DLAT: variants seen among roughly 807,000 people sequenced by gnomAD.
The protein encoded by DLAT is dihydrolipoamide S-acetyltransferase, also known as dihydrolipoyllysine-residue acetyltransferase component of pyruvate dehydrogenase complex, mitochondrial.
DLAT carries 43 observed loss-of-function variants against 68.0 expected under a neutral mutation model. That is an observed-to-expected ratio of 0.63 (90% CI 0.50 to 0.81). The LOEUF is 0.81. DLAT is among the 40% of genes least tolerant of loss of function. DLAT has a pLI of 0.00. For synonymous variants in DLAT, 265 were observed against 288.6 expected (o/e 0.92, Z 0.83); for missense variants, 745 against 815.4 (o/e 0.91, Z 1.05).
rs1016650645 is a variant in DLAT, at chr11:112,051,699, C to G, written c.1514+350C>G. ...AAAGTTCTGGGATTTCAGGTGTGAGCCACAGTGTCCAGCCTGCGATATTGC... is the reference window on the plus strand; with the variant it reads ...AAAGTTCTGGGATTTCAGGTGTGAGGCACAGTGTCCAGCCTGCGATATTGC... On this transcript the variant is annotated intron_variant, in intron 11 of 13. Coordinates refer to ENST00000280346, the MANE Select transcript of DLAT (RefSeq NM_001931.5). The surrounding 1 kb of genome is among the most constrained non-coding windows in gnomAD (Gnocchi z 4.3). Among the ~76,000 whole-genome samples the G allele has an allele frequency of 1.3e-4, 19 of 151,990 alleles. No homozygotes were observed. The highest frequency in any genetic ancestry group is 4.6e-4 in the African/African-American group (19 of 41,348).
intron 4 of DLAT, chr11:112,030,056 G>A: frequency 2.1e-6 from 2 of 953,646 alleles, no homozygotes; most frequent in Non-Finnish European, 3.3e-6. Flanking sequence ...CTGGAGCTGA[G>A]TGTCTAAGTT....
chr11:112,051,780 T>A lies in DLAT; in HGVS notation c.1514+431T>A, dbSNP rs1863652668. Among the ~76,000 whole-genome samples the A allele has an allele frequency of 6.6e-6, 1 of 152,166 alleles. No individual in the cohort carries two copies. Among genetic ancestry groups the A allele is most frequent in the Non-Finnish European group, 1.5e-5 (1 of 68,032 alleles). On this transcript the variant is annotated intron_variant, in intron 11 of 13. Transcript: ENST00000280346. This position sits in a 1 kb window ranked among gnomAD's most constrained non-coding sequence, Gnocchi z 4.3. ...TTGTATGAGTTCAGCAAAGGGAGATTAGTGAACAAATATGTGTAATTAAGT... is the reference window on the plus strand; with the variant it reads ...TTGTATGAGTTCAGCAAAGGGAGATAAGTGAACAAATATGTGTAATTAAGT...
At position 112,045,895 on chromosome 11, in the gene DLAT, A is replaced by G; in HGVS notation, c.1323A>G (p.Gln441=). ...VIAQRLMQSK[Q]TIPHYYLSID... is the part of the protein sequence containing the mutation. The stretch of plus-strand genomic sequence containing the variant: ...CACAGCGATTAATGCAATCAAAGCA[A>G]ACCATACCTCATTATTACCTTTCTA... The change falls in exon 10 of 14, where the codon CAA becomes CAG. Residue 441 remains glutamine (Q), a synonymous_variant. Coordinates refer to ENST00000280346, the MANE Select transcript of DLAT (RefSeq NM_001931.5). 1 of 1,612,308 alleles carries G rather than the reference A, an allele frequency of 6.2e-7. No individual in the cohort carries two copies. Among genetic ancestry groups the G allele is most frequent in the Non-Finnish European group, 8.5e-7 (1 of 1,178,462 alleles).
At chr11:112,045,687 C>CA (rs782116849) in intron 9 of DLAT, among the ~76,000 whole-genome samples, 176 bp from the exon 10 acceptor site, 224 of 115,562 alleles carry the variant, frequency 1.9e-3, no homozygotes, top group South Asian at 2.8e-3. Flanking sequence ...GACTCCATCT[C>CA]AAAAAAAAAA....
intron 8 of DLAT, 140 bp from the exon 9 acceptor site, chr11:112,044,998 G>A (rs1863229604): frequency 2.8e-6 from 2 of 722,326 alleles, no homozygotes; most frequent in Non-Finnish European, 5.0e-6. Flanking sequence ...TTGAGCCACT[G>A]CATTCTAGCC....
intron 9 of DLAT, among the ~76,000 whole-genome samples, 184 bp downstream of exon 9, chr11:112,045,414 G>T (rs1030155742): frequency 6.6e-6 from 1 of 152,090 alleles, no homozygotes; most frequent in Admixed American, 6.6e-5. Flanking sequence ...AGGGCCAGGC[G>T]CAGTAGCTCA....
intron 1 of DLAT, among the ~76,000 whole-genome samples, chr11:112,025,968 A>G (rs1861975182): frequency 6.6e-6 from 1 of 152,220 alleles, no homozygotes; most frequent in South Asian, 2.1e-4. Flanking sequence ...TGTATGCAGA[A>G]TATCTGCCGA....
In DLAT at chr11:112,046,431, A is replaced by AT. The variant is rs782723101; in HGVS notation, c.1398+474dup. On this transcript the variant is annotated intron_variant, in intron 10 of 13. Coordinates refer to ENST00000280346, the MANE Select transcript of DLAT (RefSeq NM_001931.5). ...ATATATGTGAGAATTTTATTTCCAGATTTTTTTTTTTTTGTAGATCTTGTT... is the reference window on the plus strand; with the variant it reads ...ATATATGTGAGAATTTTATTTCCAGATTTTTTTTTTTTTTGTAGATCTTGTT... Among the ~76,000 whole-genome samples the AT allele has an allele frequency of 3.6e-3, 510 of 141,684 alleles. 2 individuals carry two copies. Among genetic ancestry groups the AT allele is most frequent in the African/African-American group, 9.4e-3 (366 of 38,888 alleles). The allele number at this position is 141,684 out of a possible 152,430, so 93.0% of individuals were successfully genotyped here. A position where few individuals can be genotyped will look rare whatever the true frequency, so the allele number is the denominator to read the frequency against.
intron 2 of DLAT, among the ~76,000 whole-genome samples, chr11:112,027,661 G>A (rs1297154603): frequency 4.6e-5 from 7 of 152,226 alleles, no homozygotes; most frequent in Non-Finnish European, 1.0e-4. Context: ...ACCTCGGGAG[G>A]CCAAGGCTGG....
intron 2 of DLAT, among the ~76,000 whole-genome samples, chr11:112,027,472 G>C (rs1862121684): frequency 6.6e-6 from 1 of 151,876 alleles, no homozygotes; most frequent in Non-Finnish European, 1.5e-5. Context: ...GCCAGGCAGA[G>C]ACGCTCCTCA....
intron 7 of DLAT, among the ~76,000 whole-genome samples, chr11:112,040,795 G>A (rs372222156): frequency 1.6e-4 from 25 of 152,128 alleles, no homozygotes; most frequent in African/African-American, 6.0e-4. Flanking sequence ...AGAAAGGACT[G>A]GGTTAATAAT....
At chr11:112,045,072 T>A (rs933959761) in intron 8 of DLAT, 66 bp from the exon 9 acceptor site, 6 of 1,258,008 alleles carry the variant, frequency 4.8e-6, no homozygotes, top group Non-Finnish European at 7.0e-6. Context: ...TCACTGGCAG[T>A]CTTTCCCAGG....
At chr11:112,050,501 T>C (rs1182965851) in intron 10 of DLAT, among the ~76,000 whole-genome samples, 2 of 152,170 alleles carry the variant, frequency 1.3e-5, no homozygotes, top group African/African-American at 4.8e-5. Context: ...GCCATTTGGG[T>C]CTAAGCTTTT....
chr11:112,028,047 GT>G (rs1352065058), intron 2 of DLAT, among the ~76,000 whole-genome samples: 7 of 152,208 alleles, frequency 4.6e-5, no homozygotes, highest in African/African-American at 1.7e-4. Flanking sequence ...CTACCCCTTT[GT>G]TTAAGAAACT....
At chr11:112,050,678 C>A (rs1555181888) in intron 10 of DLAT, among the ~76,000 whole-genome samples, 1 of 152,136 alleles carries the variant, frequency 6.6e-6, no homozygotes, top group Admixed American at 6.5e-5. Context: ...GTAATGTCCC[C>A]TATTTCACTC....
Position 112,037,539 on chromosome 11 carries a change from A to G in DLAT, c.975+79A>G, listed in dbSNP as rs587753631. 2.7e-5 allele frequency: 38 copies of G among 1,400,062 alleles called. No individual in the cohort carries two copies. In the South Asian group the frequency reaches 4.2e-4, roughly 15 times the overall value. The allele number at this position is 1,400,062 out of a possible 1,614,324, so 86.7% of individuals were successfully genotyped here. A position where few individuals can be genotyped will look rare whatever the true frequency, so the allele number is the denominator to read the frequency against. Reference sequence around the variant, plus strand: ...AGGAGTTTTGATTAGATGATATCCTAGGTTCCTTCCACCTCCAAGATTCTA... The same window carrying G: ...AGGAGTTTTGATTAGATGATATCCTGGGTTCCTTCCACCTCCAAGATTCTA... On this transcript the variant is annotated intron_variant, in intron 6 of 13. Transcript: ENST00000280346.
At chr11:112,029,845 C>T (rs1306743545) in intron 4 of DLAT, 2 of 599,820 alleles carry the variant, frequency 3.3e-6, no homozygotes, top group South Asian at 1.4e-5. Context: ...CTACATCTCC[C>T]CGCACTTTGA....
chr11:112,036,210 T>G (rs1462451848), intron 5 of DLAT, among the ~76,000 whole-genome samples: 741 of 55,056 alleles, frequency 0.013, 4 homozygotes, highest in East Asian at 0.029. Context: ...TGTTTTTTTT[T>G]TTTTTTTTTT....
intron 10 of DLAT, among the ~76,000 whole-genome samples, chr11:112,050,692 A>G (rs1183582721): frequency 1.3e-5 from 2 of 152,112 alleles, no homozygotes; most frequent in African/African-American, 4.8e-5. Flanking sequence ...TTCACTCCTA[A>G]TTTTAGAAAT....
Sources: allele counts gnomAD v4.1 joint callset (sites outside exome capture counted in the v4.1 genomes callset), GRCh38; gene constraint gnomAD v4.1.1; non-coding constraint Gnocchi (gnomAD v3.1); transcripts MANE v1.5; gene names NCBI Gene and HGNC (gene_info 2026-07-23, HGNC 2026-07-21).